The following PTBP3 variants were observed in gnomAD, a reference collection of about 807,000 sequenced individuals.
PTBP3 encodes the protein polypyrimidine tract binding protein 3, also known as polypyrimidine tract-binding protein 3.
A neutral mutation model predicts 58.7 loss-of-function variants in PTBP3; 20 were observed. The observed-to-expected ratio is 0.34, with a 90% CI of 0.24 to 0.50. The LOEUF (loss-of-function observed/expected upper bound fraction) is 0.50, where lower values mean the gene tolerates loss of function less well. Ranked by LOEUF, PTBP3 falls within the 20% of genes least tolerant of loss-of-function variation. The pLI, the probability that PTBP3 is intolerant of heterozygous loss-of-function variation, is 0.98. For missense variants in PTBP3, 509 were observed against 637.2 expected (o/e 0.80, Z 2.17); for synonymous variants, 185 against 219.8 (o/e 0.84, Z 1.40).
At chr9:112,312,819 A>G (rs1829546596) in intron 1 of PTBP3, among the ~76,000 whole-genome samples, 1 of 152,120 alleles carries the variant, frequency 6.6e-6, no homozygotes, top group Non-Finnish European at 1.5e-5. Context: ...CAAGGTGGGC[A>G]CATCACTTGA....
chr9:112,261,820 A>G (rs1012092657), intron 5 of PTBP3, among the ~76,000 whole-genome samples: 20 of 152,250 alleles, frequency 1.3e-4, no homozygotes, highest in African/African-American at 4.6e-4. Context: ...CTCTTCAATT[A>G]CGCTCTACAA....
chr9:112,270,238 C>A (rs1827315753), intron 3 of PTBP3, among the ~76,000 whole-genome samples: 2 of 152,064 alleles, frequency 1.3e-5, no homozygotes, highest in African/African-American at 4.8e-5. Context: ...AAATCCTTCT[C>A]CGTACTCAAT....
chr9:112,251,035 G>A lies in PTBP3; in HGVS notation c.696C>T (p.Ser232=). ...TGTCATTATTATATTTCACATTAAG[G>A]CTGGTGAGCTTGGAGAAGTCAATGC... ...TLRIDFSKLT[S]LNVKYNNDKS... is the part of the protein sequence containing the mutation. Residue 232 remains serine (S), a synonymous_variant, in exon 7 of 14, where the codon AGC becomes AGT. Transcript: ENST00000374257. 1.2e-6 allele frequency: 2 copies of A among 1,612,046 alleles called. No homozygotes were observed. Among genetic ancestry groups the A allele is most frequent in the Non-Finnish European group, 1.7e-6 (2 of 1,178,978 alleles).
chr9:112,364,625 C>T, the PTBP3 span, among the ~76,000 whole-genome samples: 1 of 152,062 alleles, frequency 6.6e-6, no homozygotes, highest in Non-Finnish European at 1.5e-5. Flanking sequence ...AGGGCAAGAC[C>T]CTGTCTCTAT....
In PTBP3 at chr9:112,239,860, AGGG is replaced by A. The variant is rs1476970473; in HGVS notation, c.803-4966_803-4964del. Among the ~76,000 whole-genome samples, 115 of 20,464 alleles carry A rather than the reference AGGG, an allele frequency of 5.6e-3. 2 individuals carry two copies. Among genetic ancestry groups the A allele is most frequent in the African/African-American group, 0.018 (93 of 5,088 alleles). The allele number at this position is 20,464 out of a possible 152,430, so 13.4% of individuals were successfully genotyped here. On this transcript the variant is annotated intron_variant, in intron 7 of 13. Transcript: ENST00000374257. The stretch of plus-strand genomic sequence containing the variant: ...GAGGGAGGGAGGGAGGGAGGGAGGG[AGGG>A]AGGGAGGGAGGGAGGGAGGCAAGGA...
chr9:112,322,126 C>T (rs1294559675), intron 1 of PTBP3, among the ~76,000 whole-genome samples: 2 of 106,246 alleles, frequency 1.9e-5, no homozygotes, highest in African/African-American at 8.0e-5. Context: ...CAGAGCGAGA[C>T]TCCATCTCAA....
At chr9:112,325,794 C>G (rs1830132570) in intron 1 of PTBP3, among the ~76,000 whole-genome samples, 1 of 152,110 alleles carries the variant, frequency 6.6e-6, no homozygotes, top group African/African-American at 2.4e-5. Flanking sequence ...GTGGCCGAGG[C>G]AAGCAGATGG....
At chr9:112,225,000 G>C (rs1834928720) in intron 12 of PTBP3, among the ~76,000 whole-genome samples, 2 of 152,150 alleles carry the variant, frequency 1.3e-5, no homozygotes, top group Admixed American at 6.5e-5. Flanking sequence ...CCTTATGACA[G>C]ACTCAGCCAA....
At chr9:112,256,272 A>AATATATATACATATAT (rs1260010370) in intron 5 of PTBP3, among the ~76,000 whole-genome samples, 113 of 82,794 alleles carry the variant, frequency 1.4e-3, no homozygotes, top group Middle Eastern at 5.1e-3. Context: ...AAAAAAACAA[A>AATATATATACATATAT]ATATATATAT....
In PTBP3 at chr9:112,297,821, A is replaced by G. The variant is rs532340613; in HGVS notation, c.34+11T>C. The stretch of plus-strand genomic sequence containing the variant: ...CAGAAATCAAATATTAAAAAAAAAA[A>G]AAAAACTCACCATACACACCTGTAG... On this transcript the variant is annotated intron_variant, in intron 2 of 13. Transcript: ENST00000374257. The G allele has an allele frequency of 5.2e-6, 7 of 1,350,564 alleles. No individual in the cohort carries two copies. In the Admixed American group the frequency reaches 1.8e-4, roughly 36 times the overall value. The allele number at this position is 1,350,564 out of a possible 1,614,324, so 83.7% of individuals were successfully genotyped here. A position where few individuals can be genotyped will look rare whatever the true frequency, so the allele number is the denominator to read the frequency against.
chr9:112,247,300 AAAT>A, intron 7 of PTBP3, among the ~76,000 whole-genome samples: 1 of 151,358 alleles, frequency 6.6e-6, no homozygotes, highest in Non-Finnish European at 1.5e-5. Context: ...ATAAATAAAT[AAAT>A]AAATAAATAA....
chr9:112,306,606 T>TTG (rs1025917090), intron 1 of PTBP3, among the ~76,000 whole-genome samples: 5 of 144,602 alleles, frequency 3.5e-5, no homozygotes, highest in African/African-American at 1.3e-4. Flanking sequence ...ATATATATAT[T>TTG]TTTGTTTGTT....
Position 112,221,487 on chromosome 9 carries a change from T to C in PTBP3, c.*2364A>G. ...TTACACAGTAATTCCTAACTTAAAG[T>C]AAATGAAATAATCCAATTTAACATG... On this transcript the variant is annotated 3_prime_UTR_variant, in exon 14 of 14. Coordinates refer to ENST00000374257, the MANE Select transcript of PTBP3 (RefSeq NM_001163788.4). 3 of 985,208 alleles carry C rather than the reference T, an allele frequency of 3.0e-6. No individual in the cohort carries two copies. In the South Asian group the frequency reaches 1.4e-4, roughly 46 times the overall value. The allele number at this position is 985,208 out of a possible 1,614,324, so 61.0% of individuals were successfully genotyped here.
chr9:112,273,380 T>A (rs748947190), intron 3 of PTBP3, among the ~76,000 whole-genome samples: 9 of 152,226 alleles, frequency 5.9e-5, no homozygotes, highest in African/African-American at 2.2e-4. Context: ...AAAACAGCTA[T>A]GGCAACTAGC....
At chr9:112,316,892 A>C (rs887765163) in intron 1 of PTBP3, among the ~76,000 whole-genome samples, 2 of 151,990 alleles carry the variant, frequency 1.3e-5, no homozygotes, top group African/African-American at 2.4e-5. Flanking sequence ...AAATCGCTTG[A>C]ACCCGGAAGG....
At chr9:112,255,661 C>G (rs1409769442) in intron 5 of PTBP3, among the ~76,000 whole-genome samples, 2 of 152,146 alleles carry the variant, frequency 1.3e-5, no homozygotes, top group Non-Finnish European at 2.9e-5. Flanking sequence ...ACATAACACT[C>G]TTGCCCTGGT....
At chr9:112,331,523 T>C (rs535879937) in intron 1 of PTBP3, among the ~76,000 whole-genome samples, 74 of 152,348 alleles carry the variant, frequency 4.9e-4, no homozygotes, top group African/African-American at 1.8e-3. Flanking sequence ...AAATACCACG[T>C]AGATTTTTTA....
At chr9:112,365,108 C>T in the PTBP3 span, among the ~76,000 whole-genome samples, 23,408 of 152,234 alleles carry the variant, frequency 0.15, 2,232 homozygotes, top group East Asian at 0.24. Context: ...TCACAAATGA[C>T]AGGATTTCTT....
At chr9:112,289,072 C>T (rs536172769) in intron 2 of PTBP3, among the ~76,000 whole-genome samples, 23 of 152,318 alleles carry the variant, frequency 1.5e-4, no homozygotes, top group African/African-American at 5.1e-4. Flanking sequence ...TTCTTAGCTT[C>T]CTAAGTAGCT....
Sources: allele counts gnomAD v4.1 joint callset (sites outside exome capture counted in the v4.1 genomes callset), GRCh38; gene constraint gnomAD v4.1.1; transcripts MANE v1.5; gene names NCBI Gene and HGNC (gene_info 2026-07-23, HGNC 2026-07-21).